SLC25A47: variants seen among roughly 807,000 people sequenced by gnomAD.
SLC25A47 encodes HCC-down-regulated mitochondrial carrier protein.
A neutral mutation model predicts 29.8 loss-of-function variants in SLC25A47; 30 were observed. The observed-to-expected ratio is 1.01, with a 90% confidence interval of 0.75 to 1.36. The LOEUF (loss-of-function observed/expected upper bound fraction) is 1.36, where lower values mean the gene tolerates loss of function less well. Ranked by LOEUF, SLC25A47 falls within the 40% of genes most tolerant of loss-of-function variation. SLC25A47 has a pLI of 0.00. For synonymous variants in SLC25A47, 204 were observed against 197.8 expected, an observed-to-expected ratio of 1.03 and a Z score of -0.26; for missense variants, 430 against 441.9, an observed-to-expected ratio of 0.97 and a Z score of 0.24.
In SLC25A47 at chr14:100,329,796, C is replaced by T. The variant is rs938439729; in HGVS notation, c.*151C>T. ...CTCCCTGCAGTGTTGTCGGCCGAGG[C>T]CTGAGCTCGCCCTGCCCAGCTACTG... On this transcript the variant is annotated 3_prime_UTR_variant, in exon 6 of 6. Coordinates refer to ENST00000361529, the MANE Select transcript of SLC25A47 (RefSeq NM_207117.4). 2.8e-6 allele frequency: 3 copies of T among 1,079,434 alleles called. No homozygotes were observed. The Admixed American group carries it at 8.3e-5, about 30-fold the overall frequency. The allele number at this position is 1,079,434 out of a possible 1,614,324, so 66.9% of individuals were successfully genotyped here. A position where few individuals can be genotyped will look rare whatever the true frequency, so the allele number is the denominator to read the frequency against.
At chr14:100,327,392 G>T in intron 4 of SLC25A47, 22 bp downstream of exon 4, 1 of 1,575,410 alleles carries the variant, frequency 6.3e-7, no homozygotes, top group Non-Finnish European at 8.6e-7. Context: ...CAGCCAGGGT[G>T]GGGAAGGCCC....
chr14:100,327,415 G>A (rs780389717), intron 4 of SLC25A47, 45 bp downstream of exon 4: 12 of 1,540,120 alleles, frequency 7.8e-6, no homozygotes, highest in Middle Eastern at 3.5e-4. Flanking sequence ...GAGAGACTGC[G>A]GGGTCTGAGA....
intron 1 of SLC25A47, among the ~76,000 whole-genome samples, chr14:100,325,331 C>T (rs1247736880): frequency 1.3e-5 from 2 of 152,270 alleles, no homozygotes; most frequent in Non-Finnish European, 2.9e-5. Context: ...GCCTCCCCCT[C>T]CTTCCACCCA....
intron 4 of SLC25A47, 139 bp from the exon 5 acceptor site, chr14:100,328,587 C>G (rs1249049501): frequency 1.7e-5 from 15 of 859,952 alleles, no homozygotes; most frequent in Non-Finnish European, 2.6e-5. Context: ...CCGTGGCCCC[C>G]CAGCCCTGGG....
intron 1 of SLC25A47, among the ~76,000 whole-genome samples, chr14:100,324,132 C>T (rs1001641094): frequency 6.6e-6 from 1 of 152,034 alleles, no homozygotes; most frequent in Non-Finnish European, 1.5e-5. Context: ...CGGTGGGTGG[C>T]GTCAGTACTT....
intron 1 of SLC25A47, 70 bp downstream of exon 1, chr14:100,323,512 G>T: frequency 6.3e-7 from 1 of 1,583,688 alleles, no homozygotes; most frequent in South Asian, 1.1e-5. Flanking sequence ...CTGAGGTCCA[G>T]GAAGGTGCTG....
intron 1 of SLC25A47, among the ~76,000 whole-genome samples, chr14:100,324,287 T>C (rs1298751127): frequency 6.6e-6 from 1 of 152,052 alleles, no homozygotes; most frequent in Non-Finnish European, 1.5e-5. Flanking sequence ...TGCACTGGCG[T>C]GATCTTGGCT....
chr14:100,323,349 C>G lies in SLC25A47; in HGVS notation c.-66C>G, dbSNP rs561793788. On this transcript the variant is annotated 5_prime_UTR_variant, in exon 1 of 6. Transcript: ENST00000361529. ...AGGGGCCAGCTGGGAGCTGTTGAGGCCACCCTGGTGGCACCAAAGCCCTCT... is the reference window on the plus strand; with the variant it reads ...AGGGGCCAGCTGGGAGCTGTTGAGGGCACCCTGGTGGCACCAAAGCCCTCT... 1 of 1,595,190 alleles carries G rather than the reference C, an allele frequency of 6.3e-7. No homozygotes were observed. Among genetic ancestry groups the G allele is most frequent in the Non-Finnish European group, 8.6e-7 (1 of 1,166,542 alleles).
chr14:100,329,844 A>G lies in SLC25A47; in HGVS notation c.*199A>G, dbSNP rs917119004. On this transcript the variant is annotated 3_prime_UTR_variant, in exon 6 of 6. Coordinates refer to ENST00000361529, the MANE Select transcript of SLC25A47 (RefSeq NM_207117.4). ...CTGACCTCAGGTCGAGGGGCCCGCC[A>G]GCCATCAGCCAGGGTTGGCCTAGGG... 6 of 732,248 alleles carry G rather than the reference A, an allele frequency of 8.2e-6. No homozygotes were observed. The highest frequency in any genetic ancestry group is 1.3e-5 in the Non-Finnish European group (6 of 461,108). 45.4% of individuals were successfully genotyped at this position (732,248 alleles called of 1,614,324 possible).
chr14:100,329,279 G>A, intron 5 of SLC25A47, 86 bp from the exon 6 acceptor site: 2 of 1,475,848 alleles, frequency 1.4e-6, no homozygotes, highest in Admixed American at 2.2e-5. Flanking sequence ...TTGCAAATGA[G>A]GACGGGCCGG....
chr14:100,329,767 G>A lies in SLC25A47; in HGVS notation c.*122G>A, dbSNP rs1304607392. 2 of 1,317,200 alleles carry A rather than the reference G, an allele frequency of 1.5e-6. No individual in the cohort carries two copies. The highest frequency in any genetic ancestry group is 1.5e-5 in the African/African-American group (1 of 68,268). The allele number at this position is 1,317,200 out of a possible 1,614,324, so 81.6% of individuals were successfully genotyped here. ...CAGGGCCATTGCCCAGGAGAATGAG[G>A]AGCCTCCCTGCAGTGTTGTCGGCCG... On this transcript the variant is annotated 3_prime_UTR_variant, in exon 6 of 6. Coordinates refer to ENST00000361529, the MANE Select transcript of SLC25A47 (RefSeq NM_207117.4).
At chr14:100,325,361 C>A (rs1683117086) in intron 1 of SLC25A47, among the ~76,000 whole-genome samples, 1 of 152,248 alleles carries the variant, frequency 6.6e-6, no homozygotes, top group Admixed American at 6.5e-5. Flanking sequence ...AACACAGTTA[C>A]CGCCTGGCTC....
At chr14:100,329,221 A>G in intron 5 of SLC25A47, 144 bp from the exon 6 acceptor site, 2 of 1,191,390 alleles carry the variant, frequency 1.7e-6, no homozygotes, top group Non-Finnish European at 2.3e-6. Context: ...TGTGTCACAG[A>G]GTCAGTGTGT....
chr14:100,326,283 C>T, intron 3 of SLC25A47, 55 bp downstream of exon 3: 1 of 1,498,874 alleles, frequency 6.7e-7, no homozygotes, highest in Non-Finnish European at 9.2e-7. Flanking sequence ...GCTGGGCCTG[C>T]CTCCGCTGCC....
chr14:100,326,993 T>C (rs1893350590), intron 3 of SLC25A47, among the ~76,000 whole-genome samples, 195 bp from the exon 4 acceptor site: 1 of 151,204 alleles, frequency 6.6e-6, no homozygotes, highest in South Asian at 2.1e-4. Flanking sequence ...CTGGGCTGGG[T>C]TGGGCCTGGT....
At chr14:100,327,436 C>T (rs1010251079) in intron 4 of SLC25A47, 66 bp downstream of exon 4, 4 of 1,495,496 alleles carry the variant, frequency 2.7e-6, no homozygotes, top group Non-Finnish European at 3.6e-6. Flanking sequence ...GGTTATCCAT[C>T]CTGGCAGGTG....
intron 1 of SLC25A47, among the ~76,000 whole-genome samples, chr14:100,323,742 C>T (rs879850945): frequency 6.6e-5 from 10 of 151,834 alleles, no homozygotes; most frequent in Non-Finnish European, 1.3e-4. Context: ...GGCTGGGAGT[C>T]CTTGGTGTGG....
chr14:100,329,774 C>G lies in SLC25A47; in HGVS notation c.*129C>G. 7.8e-7 allele frequency: 1 copy of G among 1,280,394 alleles called. No individual in the cohort carries two copies. Among genetic ancestry groups the G allele is most frequent in the Non-Finnish European group, 1.1e-6 (1 of 936,000 alleles). 79.3% of individuals were successfully genotyped at this position (1,280,394 alleles called of 1,614,324 possible). A position where few individuals can be genotyped will look rare whatever the true frequency, so the allele number is the denominator to read the frequency against. ...ATTGCCCAGGAGAATGAGGAGCCTC[C>G]CTGCAGTGTTGTCGGCCGAGGCCTG... On this transcript the variant is annotated 3_prime_UTR_variant, in exon 6 of 6. Transcript: ENST00000361529.
At chr14:100,326,126 C>T (rs761417257) in intron 2 of SLC25A47, 31 bp from the exon 3 acceptor site, 17 of 1,592,106 alleles carry the variant, frequency 1.1e-5, no homozygotes, top group African/African-American at 1.3e-5. Context: ...GGCCTGGAGC[C>T]GCTCGTGCCT....
Sources: allele counts gnomAD v4.1 joint callset (sites outside exome capture counted in the v4.1 genomes callset), GRCh38; gene constraint gnomAD v4.1.1; transcripts MANE v1.5; gene names NCBI Gene and HGNC (gene_info 2026-07-23, HGNC 2026-07-21).